Variants in NCKAP5 observed in about 807,000 individuals in gnomAD.
The protein encoded by NCKAP5 is NCK associated protein 5.
NCKAP5 carries 92 observed loss-of-function variants against 167.0 expected under a neutral mutation model. The ratio of observed to expected loss-of-function variants is 0.55; its 90% confidence interval spans 0.47 to 0.66. The LOEUF (loss-of-function observed/expected upper bound fraction) is 0.66, where lower values mean the gene tolerates loss of function less well. Ranked by LOEUF, NCKAP5 falls within the 30% of genes least tolerant of loss-of-function variation. NCKAP5 has a pLI of 0.00. For synonymous variants in NCKAP5, 891 were observed against 877.4 expected (o/e 1.02, Z -0.27); for missense variants, 2,378 against 2,315.0 (o/e 1.03, Z -0.56).
chr2:133,096,463 G>C (rs2081346877), intron 6 of NCKAP5, among the ~76,000 whole-genome samples: 2 of 151,350 alleles, frequency 1.3e-5, no homozygotes, highest in Admixed American at 6.6e-5. Flanking sequence ...ACTCCAGCCT[G>C]GTTGACAGAG....
Position 133,255,278 on chromosome 2 carries a change from C to A in NCKAP5, c.144-41499G>T, listed in dbSNP as rs532415126. On this transcript the variant is annotated intron_variant, in intron 4 of 19. Coordinates refer to ENST00000409261, the MANE Select transcript of NCKAP5 (RefSeq NM_207363.3). ...CCTGCCTCCTTCCAGGATAAATGTT[C>A]TTATAAATACTGTTTTGTTTCCAGA... Among the ~76,000 whole-genome samples the A allele has an allele frequency of 5.9e-5, 9 of 152,270 alleles. No individual in the cohort carries two copies. The South Asian group carries it at 1.7e-3, about 28-fold the overall frequency.
At chr2:133,328,498 A>C (rs1398095452) in intron 3 of NCKAP5, among the ~76,000 whole-genome samples, 1 of 152,236 alleles carries the variant, frequency 6.6e-6, no homozygotes, top group East Asian at 1.9e-4. Flanking sequence ...GGAAGTAACT[A>C]ACAATTTCTG....
At chr2:133,214,280 GC>G (rs1343947949) in intron 4 of NCKAP5, among the ~76,000 whole-genome samples, 1 of 152,106 alleles carries the variant, frequency 6.6e-6, no homozygotes, top group Non-Finnish European at 1.5e-5. Flanking sequence ...TCTCATTTGA[GC>G]CTGACAACAA....
intron 19 of NCKAP5, among the ~76,000 whole-genome samples, chr2:132,678,447 A>G (rs1684783284): frequency 6.6e-6 from 1 of 152,318 alleles, no homozygotes; most frequent in South Asian, 2.1e-4. Context: ...ACTAACATTT[A>G]TAATGAGGAT....
chr2:133,376,274 C>G (rs1453581170), intron 3 of NCKAP5, among the ~76,000 whole-genome samples: 2 of 152,028 alleles, frequency 1.3e-5, no homozygotes, highest in Non-Finnish European at 2.9e-5. Context: ...AAATAAATTC[C>G]AGTAAATGTT....
chr2:133,647,363 G>GAAAGGAAA, the NCKAP5 span, among the ~76,000 whole-genome samples: 1 of 100,312 alleles, frequency 1.0e-5, no homozygotes, highest in African/African-American at 5.8e-5. Flanking sequence ...AAGAAAGGAA[G>GAAAGGAAA]GAAGGAAGAA....
At position 132,963,986 on chromosome 2, in the gene NCKAP5, T is replaced by G. The variant is rs2076591972; in HGVS notation, c.430-117A>C. ...TGTGCATTCTTCCGGGGCTGGGAGT[T>G]TGCTAAACAAATTCTGAGAGGGGTT... On this transcript the variant is annotated intron_variant, in intron 7 of 19. Transcript: ENST00000409261. The G allele has an allele frequency of 1.7e-6, 2 of 1,171,006 alleles. 1 individual carries two copies. Among genetic ancestry groups the G allele is most frequent in the African/African-American group, 3.1e-5 (2 of 64,758 alleles). 72.5% of individuals were successfully genotyped at this position (1,171,006 alleles called of 1,614,324 possible). A position where few individuals can be genotyped will look rare whatever the true frequency, so the allele number is the denominator to read the frequency against.
intron 2 of NCKAP5, among the ~76,000 whole-genome samples, chr2:133,530,861 G>A (rs1363995697): frequency 6.6e-6 from 1 of 152,158 alleles, no homozygotes; most frequent in Non-Finnish European, 1.5e-5. Flanking sequence ...TGGAGGAGAG[G>A]TGACAGCCAC....
chr2:132,852,005 C>T (rs1467623020), intron 11 of NCKAP5, among the ~76,000 whole-genome samples: 1 of 152,200 alleles, frequency 6.6e-6, no homozygotes. Flanking sequence ...TCCATGATTT[C>T]CAGCGCCAAG....
At chr2:133,237,339 G>A (rs2087470412) in intron 4 of NCKAP5, among the ~76,000 whole-genome samples, 1 of 152,070 alleles carries the variant, frequency 6.6e-6, no homozygotes, top group African/African-American at 2.4e-5. Flanking sequence ...CAAGAACCTA[G>A]ACAAGTATTT....
At chr2:133,385,176 T>G (rs1051421145) in intron 3 of NCKAP5, among the ~76,000 whole-genome samples, 1 of 152,218 alleles carries the variant, frequency 6.6e-6, no homozygotes, top group Admixed American at 6.5e-5. Context: ...TGATATTGCC[T>G]GTGGGTCTGT....
At chr2:133,524,584 C>T (rs1684718640) in intron 2 of NCKAP5, among the ~76,000 whole-genome samples, 1 of 152,106 alleles carries the variant, frequency 6.6e-6, no homozygotes, top group Admixed American at 6.5e-5. Context: ...TGCAGAAAAC[C>T]ATGACTCAGA....
At chr2:133,101,753 G>C (rs1198850566) in intron 6 of NCKAP5, among the ~76,000 whole-genome samples, 1 of 152,224 alleles carries the variant, frequency 6.6e-6, no homozygotes, top group Non-Finnish European at 1.5e-5. Flanking sequence ...ATCAAAGTAA[G>C]TTTCTGGATG....
intron 3 of NCKAP5, among the ~76,000 whole-genome samples, chr2:133,420,121 G>T (rs971815287): frequency 6.6e-6 from 1 of 152,180 alleles, no homozygotes; most frequent in Non-Finnish European, 1.5e-5. Flanking sequence ...TTAGTTTTAA[G>T]ACACTATTAA....
chr2:133,374,563 C>G (rs905092295), intron 3 of NCKAP5, among the ~76,000 whole-genome samples: 1 of 149,636 alleles, frequency 6.7e-6, no homozygotes, highest in Admixed American at 6.7e-5. Context: ...GGGTGAAGTG[C>G]GTGTGTAGGG....
intron 3 of NCKAP5, among the ~76,000 whole-genome samples, chr2:133,429,177 G>C (rs1168119825): frequency 6.6e-6 from 1 of 152,136 alleles, no homozygotes; most frequent in African/African-American, 2.4e-5. Context: ...AAAGGGTAAG[G>C]CCATTCTAAA....
intron 16 of NCKAP5, among the ~76,000 whole-genome samples, chr2:132,750,144 T>G (rs1670245798): frequency 1.3e-5 from 2 of 152,184 alleles, no homozygotes; most frequent in Non-Finnish European, 2.9e-5. Flanking sequence ...GGAAGTTGTA[T>G]GAAAGATGTC....
intron 4 of NCKAP5, among the ~76,000 whole-genome samples, chr2:133,272,506 C>T (rs943652900): frequency 2.0e-5 from 3 of 151,954 alleles, no homozygotes; most frequent in East Asian, 3.9e-4. Flanking sequence ...TTCAATAATC[C>T]ACGGAATCTT....
chr2:133,037,269 T>C (rs1288746219), intron 6 of NCKAP5, among the ~76,000 whole-genome samples: 1 of 152,036 alleles, frequency 6.6e-6, no homozygotes. Flanking sequence ...AAAATACCAA[T>C]GACATTCTTC....
Sources: allele counts gnomAD v4.1 joint callset (sites outside exome capture counted in the v4.1 genomes callset), GRCh38; gene constraint gnomAD v4.1.1; transcripts MANE v1.5; gene names NCBI Gene and HGNC (gene_info 2026-07-23, HGNC 2026-07-21).